Variants in DCLK1 observed in about 807,000 individuals in gnomAD.
DCLK1 encodes doublecortin like kinase 1, also known as serine/threonine-protein kinase DCLK1.
DCLK1 carries 16 observed loss-of-function variants against 86.2 expected under a neutral mutation model. The ratio of observed to expected loss-of-function variants is 0.19; its 90% CI spans 0.13 to 0.28. DCLK1 has a LOEUF of 0.28. DCLK1 is among the 10% of genes least tolerant of loss of function. DCLK1 has a pLI of 1.00. For synonymous variants in DCLK1, 369 were observed against 370.5 expected, an observed-to-expected ratio of 1.00 and a Z score of 0.05; for missense variants, 590 against 940.2, an observed-to-expected ratio of 0.63 and a Z score of 4.87.
At chr13:36,123,440 AT>A (rs892488427) in intron 2 of DCLK1, among the ~76,000 whole-genome samples, 306 of 151,996 alleles carry the variant, frequency 2.0e-3, no homozygotes, top group Non-Finnish European at 2.5e-3. Flanking sequence ...CAATCAGATA[AT>A]TTTTTTTTCC....
At chr13:35,786,540 G>A (rs1033453421) in intron 16 of DCLK1, among the ~76,000 whole-genome samples, 4 of 152,164 alleles carry the variant, frequency 2.6e-5, no homozygotes, top group African/African-American at 7.2e-5. Flanking sequence ...AGCCCCTGGG[G>A]TGCTAGGAAT....
At chr13:35,814,367 T>G (rs1449584678) in intron 11 of DCLK1, among the ~76,000 whole-genome samples, 1 of 152,208 alleles carries the variant, frequency 6.6e-6, no homozygotes, top group Non-Finnish European at 1.5e-5. Context: ...AATTAAAAGT[T>G]AGAAATCAGA....
chr13:35,875,908 C>T (rs1872561501), intron 4 of DCLK1, among the ~76,000 whole-genome samples: 1 of 152,162 alleles, frequency 6.6e-6, no homozygotes, highest in South Asian at 2.1e-4. Context: ...GATGAAATGA[C>T]TTGCATCAGA....
In DCLK1 at chr13:35,774,531, C is replaced by T; in HGVS notation, c.*4G>A. On this transcript the variant is annotated 3_prime_UTR_variant, in exon 17 of 17. Transcript: ENST00000360631. Reference sequence around the variant, plus strand: ...AAGCTAGGACTTTGAGTAAAAGGGTCTTATTAAAAGGGCGAGTTAGGGGAG... The same window carrying T: ...AAGCTAGGACTTTGAGTAAAAGGGTTTTATTAAAAGGGCGAGTTAGGGGAG... 6.4e-7 allele frequency: 1 copy of T among 1,551,684 alleles called. No individual in the cohort carries two copies. The highest frequency in any genetic ancestry group is 8.7e-7 in the Non-Finnish European group (1 of 1,147,028).
intron 3 of DCLK1, among the ~76,000 whole-genome samples, chr13:36,016,970 A>C (rs1881559341): frequency 6.6e-6 from 1 of 152,124 alleles, no homozygotes; most frequent in Admixed American, 6.5e-5. Flanking sequence ...AGACAGAACA[A>C]CTCCAAACAA....
Position 35,769,584 on chromosome 13 carries a change from G to T in DCLK1, c.*4951C>A, listed in dbSNP as rs143326285. 2.0e-5 allele frequency: 3 copies of T among 152,190 alleles called. No individual in the cohort carries two copies. The highest frequency in any genetic ancestry group is 7.2e-5 in the African/African-American group (3 of 41,538). The allele number at this position is 152,190 out of a possible 1,614,324, so 9.4% of individuals were successfully genotyped here. On this transcript the variant is annotated 3_prime_UTR_variant, in exon 17 of 17. Transcript: ENST00000360631. The stretch of plus-strand genomic sequence containing the variant: ...TGGCAAGTGAGAAATTGTCCCTAGA[G>T]AACTATTCAAGGACTTTTTCTTACT...
At chr13:35,823,773 G>C (rs536793390) in intron 10 of DCLK1, among the ~76,000 whole-genome samples, 1 of 152,216 alleles carries the variant, frequency 6.6e-6, no homozygotes, top group South Asian at 2.1e-4. Context: ...TACCTAATGC[G>C]CTAAGGAACT....
chr13:36,091,909 C>T lies in DCLK1; in HGVS notation c.723+19960G>A, dbSNP rs181373802. ...GCACAACCCCTCCCCAAATCCAATACAGCTGTCATCATTCTGGACAAATTG... is the reference window on the plus strand; with the variant it reads ...GCACAACCCCTCCCCAAATCCAATATAGCTGTCATCATTCTGGACAAATTG... On this transcript the variant is annotated intron_variant, in intron 3 of 16. Transcript: ENST00000360631. Among the ~76,000 whole-genome samples, 180 of 152,316 alleles carry T rather than the reference C, an allele frequency of 1.2e-3. 1 individual carries two copies. Among genetic ancestry groups the T allele is most frequent in the African/African-American group, 4.2e-3 (173 of 41,576 alleles).
intron 4 of DCLK1, among the ~76,000 whole-genome samples, chr13:35,879,068 G>A (rs1466503373): frequency 4.6e-5 from 7 of 152,068 alleles, no homozygotes; most frequent in Non-Finnish European, 7.3e-5. Flanking sequence ...TTATAGGCAT[G>A]GCCACCACAC....
intron 3 of DCLK1, among the ~76,000 whole-genome samples, chr13:35,967,076 C>T (rs554666403): frequency 2.6e-5 from 4 of 151,688 alleles, no homozygotes; most frequent in South Asian, 2.1e-4. Context: ...TCTGCCCGGC[C>T]GCCCATCGTC....
At chr13:36,019,268 T>C (rs964491107) in intron 3 of DCLK1, among the ~76,000 whole-genome samples, 7 of 152,208 alleles carry the variant, frequency 4.6e-5, no homozygotes, top group Non-Finnish European at 8.8e-5. Context: ...CTATCCCGTA[T>C]TCCCAAGATC....
Position 36,125,766 on chromosome 13 carries a change from C to T in DCLK1, c.372G>A (p.Val124=), listed in dbSNP as rs771077993. ...GGGTTATCTCACAGCGCTCACCTTCCACCAGTTGGTCCAGGCTGGAAATCT... is the reference window on the plus strand; with the variant it reads ...GGGTTATCTCACAGCGCTCACCTTCTACCAGTTGGTCCAGGCTGGAAATCT... ...LKKISSLDQL[V]EGESYVCGSI... is the part of the protein sequence containing the mutation. The change falls in exon 2 of 17, where the codon GTG becomes GTA. Residue 124 remains valine, a synonymous_variant. Coordinates refer to ENST00000360631, the MANE Select transcript of DCLK1 (RefSeq NM_001330071.2). 100 of 1,612,440 alleles carry T rather than the reference C, an allele frequency of 6.2e-5. No individual in the cohort carries two copies. The highest frequency in any genetic ancestry group is 1.5e-4 in the Admixed American group (9 of 59,966).
At chr13:35,786,396 C>T (rs1426312369) in intron 16 of DCLK1, among the ~76,000 whole-genome samples, 4 of 152,062 alleles carry the variant, frequency 2.6e-5, no homozygotes, top group South Asian at 2.1e-4. Flanking sequence ...CATTAGGAGA[C>T]ATATAATTTA....
At chr13:36,008,437 T>C (rs930187810) in intron 3 of DCLK1, among the ~76,000 whole-genome samples, 1 of 105,628 alleles carries the variant, frequency 9.5e-6, no homozygotes, top group Non-Finnish European at 1.8e-5. Flanking sequence ...TGTGATCTCA[T>C]TGTTCAATTC....
chr13:35,880,788 G>A (rs1872844617), intron 4 of DCLK1, among the ~76,000 whole-genome samples: 1 of 152,162 alleles, frequency 6.6e-6, no homozygotes, highest in Non-Finnish European at 1.5e-5. Flanking sequence ...TCATTGGCCA[G>A]TGAAGCTTCA....
At chr13:35,834,741 G>T (rs1215296340) in intron 8 of DCLK1, among the ~76,000 whole-genome samples, 2 of 152,136 alleles carry the variant, frequency 1.3e-5, no homozygotes, top group Admixed American at 6.5e-5. Flanking sequence ...CGGTGGCCTG[G>T]CAGCATCAAC....
At chr13:36,114,435 T>C (rs919855812) in intron 2 of DCLK1, among the ~76,000 whole-genome samples, 2 of 152,104 alleles carry the variant, frequency 1.3e-5, no homozygotes, top group Non-Finnish European at 2.9e-5. Context: ...GATGATACTG[T>C]GCTAACAGGA....
chr13:35,907,013 G>C (rs1874724146), intron 4 of DCLK1, among the ~76,000 whole-genome samples: 1 of 152,154 alleles, frequency 6.6e-6, no homozygotes, highest in African/African-American at 2.4e-5. Flanking sequence ...GTGTCACCTA[G>C]TAGCTGCTGA....
At chr13:36,025,160 G>T (rs1881980430) in intron 3 of DCLK1, among the ~76,000 whole-genome samples, 1 of 151,956 alleles carries the variant, frequency 6.6e-6, no homozygotes, top group African/African-American at 2.4e-5. Context: ...TAGAGATAAG[G>T]TTTCTCCATG....
Sources: allele counts gnomAD v4.1 joint callset (sites outside exome capture counted in the v4.1 genomes callset), GRCh38; gene constraint gnomAD v4.1.1; transcripts MANE v1.5; gene names NCBI Gene and HGNC (gene_info 2026-07-23, HGNC 2026-07-21).